The following RTL4 variants were observed in gnomAD, a reference collection of about 807,000 sequenced individuals.
The protein encoded by RTL4 is retrotransposon Gag-like protein 4.
Under a neutral mutation model 5.3 loss-of-function variants are expected in RTL4, and 4 were observed. The ratio of observed to expected loss-of-function variants is 0.75; its 90% confidence interval spans 0.37 to 1.72. RTL4 has a LOEUF of 1.72. Among genes scored for constraint, RTL4 ranks in the 40% most tolerant of loss-of-function variants. RTL4 has a pLI of 0.04. For missense variants in RTL4, 260 were observed against 227.1 expected, an observed-to-expected ratio of 1.14 and a Z score of -0.93; for synonymous variants, 98 against 87.3, an observed-to-expected ratio of 1.12 and a Z score of -0.68.
At chrX:112,102,677 G>A in the RTL4 span, among the ~76,000 whole-genome samples, 2 of 111,422 alleles carry the variant, frequency 1.8e-5, no homozygotes, top group East Asian at 5.6e-4. Flanking sequence ...GAAAAAGTTT[G>A]CAATCTATCC....
At chrX:112,290,643 T>G in the RTL4 span, among the ~76,000 whole-genome samples, 10 of 112,592 alleles carry the variant, frequency 8.9e-5, no homozygotes, top group African/African-American at 3.2e-4. Flanking sequence ...TATAACATAC[T>G]AACTAGCTCA....
At chrX:112,254,470 C>T in the RTL4 span, among the ~76,000 whole-genome samples, 1 of 110,353 alleles carries the variant, frequency 9.1e-6, no homozygotes, top group Non-Finnish European at 1.9e-5. Flanking sequence ...GCTGGGACTA[C>T]AAGCACACGC....
chrX:112,258,371 A>G, the RTL4 span, among the ~76,000 whole-genome samples: 1 of 110,753 alleles, frequency 9.0e-6, no homozygotes, highest in African/African-American at 3.3e-5. Flanking sequence ...TAATAGGGGA[A>G]CACGTGCATG....
chrX:112,359,166 G>A, the RTL4 span, among the ~76,000 whole-genome samples: 5 of 111,387 alleles, frequency 4.5e-5, no homozygotes, highest in South Asian at 3.8e-4. Flanking sequence ...GTGGGGGTAC[G>A]TAGTAGGTGT....
chrX:112,199,434 T>C, the RTL4 span, among the ~76,000 whole-genome samples: 1 of 111,258 alleles, frequency 9.0e-6, no homozygotes, highest in Non-Finnish European at 1.9e-5. Flanking sequence ...CAGTAAGGCC[T>C]TGAAAGAGTG....
chrX:112,444,428 T>C, the RTL4 span, among the ~76,000 whole-genome samples: 1 of 111,794 alleles, frequency 8.9e-6, no homozygotes, highest in Non-Finnish European at 1.9e-5. Flanking sequence ...CTATTCTGGG[T>C]CTTTTGTGGT....
chrX:112,410,289 G>A, the RTL4 span, among the ~76,000 whole-genome samples: 2 of 111,633 alleles, frequency 1.8e-5, no homozygotes, highest in South Asian at 7.5e-4. Flanking sequence ...AATTTCTGTG[G>A]AATTCAACAA....
At chrX:112,279,683 A>G in the RTL4 span, among the ~76,000 whole-genome samples, 1 of 111,404 alleles carries the variant, frequency 9.0e-6, no homozygotes, top group African/African-American at 3.3e-5. Flanking sequence ...TTGAAGCTAA[A>G]GGGAGAAATC....
the RTL4 span, among the ~76,000 whole-genome samples, chrX:112,214,672 A>G: frequency 9.0e-6 from 1 of 111,278 alleles, no homozygotes; most frequent in Non-Finnish European, 1.9e-5. Context: ...CTTTGCTAAC[A>G]CTTGTTTTTT....
the RTL4 span, among the ~76,000 whole-genome samples, chrX:112,205,288 C>T: frequency 9.0e-6 from 1 of 110,987 alleles, no homozygotes; most frequent in Admixed American, 9.6e-5. Flanking sequence ...TCAAAACATC[C>T]TTGTATAATT....
the RTL4 span, among the ~76,000 whole-genome samples, chrX:112,436,860 A>G: frequency 9.0e-6 from 1 of 111,388 alleles, no homozygotes; most frequent in South Asian, 3.8e-4. Flanking sequence ...CCAACCAGAA[A>G]AAGTCAGTAG....
chrX:112,090,693 A>G, the RTL4 span, among the ~76,000 whole-genome samples: 1 of 111,093 alleles, frequency 9.0e-6, no homozygotes, highest in Admixed American at 9.6e-5. Flanking sequence ...AATAAGTAAT[A>G]TTGGTCTGTA....
At chrX:112,326,501 C>T in the RTL4 span, among the ~76,000 whole-genome samples, 1 of 111,835 alleles carries the variant, frequency 8.9e-6, no homozygotes, top group Non-Finnish European at 1.9e-5. Flanking sequence ...CTCGGAGGGT[C>T]CTACGCCCAC....
the RTL4 span, among the ~76,000 whole-genome samples, chrX:112,230,300 G>C: frequency 8.9e-6 from 1 of 112,406 alleles, no homozygotes; most frequent in African/African-American, 3.2e-5. Flanking sequence ...CAGTGAGTGA[G>C]GCTCCGTGGG....
chrX:112,291,212 A>G, the RTL4 span, among the ~76,000 whole-genome samples: 1 of 110,804 alleles, frequency 9.0e-6, no homozygotes, highest in Non-Finnish European at 1.9e-5. Context: ...AGCAGGAAGC[A>G]GAAAGTGTGG....
the RTL4 span, among the ~76,000 whole-genome samples, chrX:112,368,941 T>C: frequency 3.5e-5 from 4 of 112,679 alleles, no homozygotes; most frequent in Admixed American, 9.3e-5. Flanking sequence ...TCAAGAGTAT[T>C]GGAATGAATT....
At chrX:112,147,125 G>A in the RTL4 span, among the ~76,000 whole-genome samples, 14 of 108,408 alleles carry the variant, frequency 1.3e-4, no homozygotes, top group South Asian at 8.4e-4. Flanking sequence ...AATTTCTCTC[G>A]TCTCTAAAAT....
chrX:112,312,067 G>T, the RTL4 span, among the ~76,000 whole-genome samples: 1 of 111,279 alleles, frequency 9.0e-6, no homozygotes, highest in Non-Finnish European at 1.9e-5. Flanking sequence ...AATAATATTG[G>T]ATAGTTAATT....
At chrX:112,274,971 G>A in the RTL4 span, among the ~76,000 whole-genome samples, 2 of 110,512 alleles carry the variant, frequency 1.8e-5, no homozygotes, top group East Asian at 5.7e-4. Context: ...TATCTCATGA[G>A]ACAGATGCTA....
Sources: allele counts gnomAD v4.1 joint callset (sites outside exome capture counted in the v4.1 genomes callset), GRCh38; gene constraint gnomAD v4.1.1; transcripts MANE v1.5; gene names NCBI Gene and HGNC (gene_info 2026-07-23, HGNC 2026-07-21).